The following SNX29 variants were observed in gnomAD, a reference collection of about 807,000 sequenced individuals.
The protein encoded by SNX29 is sorting nexin 29, also known as sorting nexin-29.
Under a neutral mutation model 102.1 loss-of-function variants are expected in SNX29, and 78 were observed. That is an observed-to-expected ratio of 0.76 (90% CI 0.64 to 0.92). SNX29 has a LOEUF of 0.92. Ranked by LOEUF, SNX29 falls within the 40% of genes least tolerant of loss-of-function variation. The probability of loss-of-function intolerance (pLI) is 0.00; values close to 1 mark genes in which losing one functional copy is unlikely to be tolerated. For missense variants in SNX29, 1,280 were observed against 1,061.7 expected, an observed-to-expected ratio of 1.21 and a Z score of -2.86; for synonymous variants, 580 against 414.5, an observed-to-expected ratio of 1.40 and a Z score of -4.85.
chr16:12,252,379 C>T (rs1489691802), intron 14 of SNX29, among the ~76,000 whole-genome samples: 3 of 152,218 alleles, frequency 2.0e-5, no homozygotes, highest in Non-Finnish European at 2.9e-5. Flanking sequence ...CCTCTGGGTC[C>T]TCTGAGCCCC....
chr16:12,389,376 C>A (rs896138498), intron 16 of SNX29, among the ~76,000 whole-genome samples: 8 of 152,186 alleles, frequency 5.3e-5, no homozygotes, highest in African/African-American at 1.9e-4. Context: ...CGGTTTCCTC[C>A]CATACTGTTC....
At chr16:12,527,823 CTTCTT>C (rs1597751469) in intron 20 of SNX29, among the ~76,000 whole-genome samples, 1 of 148,608 alleles carries the variant, frequency 6.7e-6, no homozygotes, top group African/African-American at 2.5e-5. Flanking sequence ...TTTTCTTCTT[CTTCTT>C]TTTTTTTTTT....
intron 11 of SNX29, among the ~76,000 whole-genome samples, chr16:12,125,914 C>T (rs2054196116): frequency 6.6e-6 from 1 of 152,154 alleles, no homozygotes; most frequent in Non-Finnish European, 1.5e-5. Flanking sequence ...CCCCTTCTCC[C>T]ATGCCTGCAA....
At chr16:12,169,965 C>T (rs72784682) in intron 13 of SNX29, among the ~76,000 whole-genome samples, 15 of 152,162 alleles carry the variant, frequency 9.9e-5, no homozygotes, top group South Asian at 2.1e-4. Flanking sequence ...AATATTGGTG[C>T]TGCAGGAAAT....
intron 13 of SNX29, among the ~76,000 whole-genome samples, chr16:12,195,879 A>T (rs1277604659): frequency 6.6e-6 from 1 of 151,690 alleles, no homozygotes; most frequent in Non-Finnish European, 1.5e-5. Flanking sequence ...GGCAGAGAGG[A>T]GAGGGACATA....
rs148440564 is a variant in SNX29 at position 12,042,940 on chromosome 16, C to T, written c.291C>T (p.His97=). The change falls in exon 5 of 21, where the codon CAC becomes CAT. Residue 97 remains histidine (H), a synonymous_variant. Coordinates refer to ENST00000566228, the MANE Select transcript of SNX29 (RefSeq NM_032167.5). ...ACGTGAAGGAGGTCCTCAACAAGCACGAGCTGCAGCGCTTCTACTCCCTGC... is the reference window on the plus strand; with the variant it reads ...ACGTGAAGGAGGTCCTCAACAAGCATGAGCTGCAGCGCTTCTACTCCCTGC... ...WYYVKEVLNK[H]ELQRFYSLRH... is the part of the protein sequence containing the mutation. 1,714 of 1,613,600 alleles carry T rather than the reference C, an allele frequency of 1.1e-3. 6 individuals carry two copies. The highest frequency in any genetic ancestry group is 1.0e-3 in the South Asian group (92 of 91,038).
intron 15 of SNX29, among the ~76,000 whole-genome samples, chr16:12,329,204 G>T (rs1286044711): frequency 7.2e-6 from 1 of 139,210 alleles, no homozygotes; most frequent in Non-Finnish European, 1.5e-5. Context: ...TTGAGCCCAG[G>T]AGTTCAAGGC....
rs529795038 is a variant in SNX29 at position 12,371,123 on chromosome 16, A to C, written c.1899+14844A>C. On this transcript the variant is annotated intron_variant, in intron 16 of 20. Coordinates refer to ENST00000566228, the MANE Select transcript of SNX29 (RefSeq NM_032167.5). ...TATTCGAAAATGGAGGGCCTTGTCCATCTCAAAGCGGTGGTTGGGGATGCA... is the reference window on the plus strand; with the variant it reads ...TATTCGAAAATGGAGGGCCTTGTCCCTCTCAAAGCGGTGGTTGGGGATGCA... 3.3e-4 allele frequency among the ~76,000 whole-genome samples: 51 copies of C among 152,346 alleles called. No individual in the cohort carries two copies. In the South Asian group the frequency reaches 0.011, roughly 32 times the overall value.
chr16:12,508,655 T>C (rs1396231471), intron 19 of SNX29, among the ~76,000 whole-genome samples: 2 of 152,216 alleles, frequency 1.3e-5, no homozygotes, highest in African/African-American at 2.4e-5. Flanking sequence ...TTACCAACGT[T>C]CCTGGTGCCC....
chr16:12,232,475 C>T (rs542353850), intron 14 of SNX29, among the ~76,000 whole-genome samples: 2 of 152,338 alleles, frequency 1.3e-5, no homozygotes, highest in South Asian at 2.1e-4. Context: ...GAGCCAAGAT[C>T]GTGCCACTGC....
At chr16:12,423,422 G>A (rs1236287136) in intron 18 of SNX29, among the ~76,000 whole-genome samples, 1 of 152,138 alleles carries the variant, frequency 6.6e-6, no homozygotes, top group Non-Finnish European at 1.5e-5. Context: ...GCATCACTCA[G>A]CTCAGAGCCT....
intron 13 of SNX29, among the ~76,000 whole-genome samples, chr16:12,176,748 G>A (rs924307336): frequency 6.6e-6 from 1 of 152,168 alleles, no homozygotes; most frequent in Non-Finnish European, 1.5e-5. Flanking sequence ...GGATGTGTCT[G>A]TGTGTTGTTT....
chr16:12,126,811 G>C, intron 12 of SNX29, 115 bp downstream of exon 12: 1 of 1,101,564 alleles, frequency 9.1e-7, no homozygotes, highest in Non-Finnish European at 1.3e-6. Context: ...ATTGTGACTG[G>C]CTATTTCTTA....
At chr16:12,437,424 CAG>C (rs981940909) in intron 18 of SNX29, among the ~76,000 whole-genome samples, 6 of 152,182 alleles carry the variant, frequency 3.9e-5, no homozygotes, top group African/African-American at 1.2e-4. Context: ...GGCAATGGGT[CAG>C]GGGGTAGTGT....
At chr16:12,362,200 G>A (rs2082319643) in intron 16 of SNX29, among the ~76,000 whole-genome samples, 1 of 152,196 alleles carries the variant, frequency 6.6e-6, no homozygotes, top group Admixed American at 6.5e-5. Flanking sequence ...GTTGGATGTT[G>A]CATAGTTTCC....
At chr16:12,200,249 C>T (rs1596488847) in intron 14 of SNX29, among the ~76,000 whole-genome samples, 1 of 152,080 alleles carries the variant, frequency 6.6e-6, no homozygotes, top group East Asian at 1.9e-4. Flanking sequence ...TATTATTAAT[C>T]AGAAATTCCA....
At chr16:12,323,516 T>TAA (rs781740905) in intron 15 of SNX29, among the ~76,000 whole-genome samples, 131 of 111,078 alleles carry the variant, frequency 1.2e-3, no homozygotes, top group African/African-American at 4.0e-3. Context: ...CCTAGAGGTT[T>TAA]TAAAAAAAAA....
intron 1 of SNX29, among the ~76,000 whole-genome samples, chr16:11,997,680 T>C (rs530859527): frequency 6.6e-6 from 1 of 152,198 alleles, no homozygotes; most frequent in Admixed American, 6.5e-5. Context: ...GGCTTCATCA[T>C]GTTGCCCAGG....
intron 17 of SNX29, among the ~76,000 whole-genome samples, chr16:12,402,882 T>G (rs555661017): frequency 4.8e-4 from 73 of 152,290 alleles, no homozygotes; most frequent in African/African-American, 1.5e-3. Context: ...CTCTGGTCCC[T>G]CCCTCCTCCC....
Sources: allele counts gnomAD v4.1 joint callset (sites outside exome capture counted in the v4.1 genomes callset), GRCh38; gene constraint gnomAD v4.1.1; transcripts MANE v1.5; gene names NCBI Gene and HGNC (gene_info 2026-07-23, HGNC 2026-07-21).